The following SPATA17 variants were observed in gnomAD, a reference collection of about 807,000 sequenced individuals.
SPATA17 encodes spermatogenesis-associated protein 17.
A neutral mutation model predicts 62.2 loss-of-function variants in SPATA17; 53 were observed. The ratio of observed to expected loss-of-function variants is 0.85; its 90% CI spans 0.68 to 1.07. The LOEUF (loss-of-function observed/expected upper bound fraction) is 1.07, where lower values mean the gene tolerates loss of function less well. Among genes scored for constraint, SPATA17 ranks in the 50% least tolerant of loss-of-function variants. SPATA17 has a pLI of 0.00. For synonymous variants in SPATA17, 146 were observed against 146.8 expected (o/e 0.99, Z 0.04); for missense variants, 466 against 425.5 (o/e 1.10, Z -0.84).
At chr1:217,760,433 CT>C (rs1381592007) in intron 6 of SPATA17, among the ~76,000 whole-genome samples, 3 of 152,006 alleles carry the variant, frequency 2.0e-5, no homozygotes, top group Non-Finnish European at 1.5e-5. Context: ...CTAATAGATA[CT>C]TTAATAATTT....
intron 5 of SPATA17, among the ~76,000 whole-genome samples, chr1:217,704,189 C>T (rs974475348): frequency 1.5e-5 from 2 of 132,864 alleles, no homozygotes; most frequent in East Asian, 2.4e-4. Context: ...TAGCACCCAA[C>T]GGGTAGGTTT....
chr1:217,643,735 AT>A (rs35299208), intron 1 of SPATA17, among the ~76,000 whole-genome samples: 44,011 of 140,974 alleles, frequency 0.31, 6,956 homozygotes, highest in Non-Finnish European at 0.36. Context: ...TATATATATA[AT>A]TTTTTTTTTT....
chr1:217,864,857 ATTAT>A (rs1344700564), intron 10 of SPATA17, among the ~76,000 whole-genome samples: 3 of 152,152 alleles, frequency 2.0e-5, no homozygotes, highest in East Asian at 1.9e-4. Context: ...TACTTGCTAA[ATTAT>A]TTATACAGAA....
At chr1:217,831,831 T>C (rs2103002180) in intron 9 of SPATA17, among the ~76,000 whole-genome samples, 1 of 152,284 alleles carries the variant, frequency 6.6e-6, no homozygotes, top group Non-Finnish European at 1.5e-5. Flanking sequence ...TACCATATAC[T>C]TGTTTCCTTC....
intron 5 of SPATA17, among the ~76,000 whole-genome samples, chr1:217,733,627 T>G (rs1571766382): frequency 6.6e-6 from 1 of 152,366 alleles, no homozygotes; most frequent in Non-Finnish European, 1.5e-5. Context: ...TCTAAATATC[T>G]TAAACATATT....
intron 5 of SPATA17, among the ~76,000 whole-genome samples, chr1:217,684,976 G>T (rs539088029): frequency 2.6e-5 from 4 of 152,100 alleles, no homozygotes; most frequent in African/African-American, 9.7e-5. Context: ...GGATTTAGTC[G>T]ATTGGAGAAG....
rs1318187650 is a variant in SPATA17 at position 217,811,691 on chromosome 1, T to C, written c.1005+9841T>C. On this transcript the variant is annotated intron_variant, in intron 9 of 10. Coordinates refer to ENST00000366933, the MANE Select transcript of SPATA17 (RefSeq NM_138796.4). ...CTGGGCAACAGAGTGAGACTCCACC[T>C]CGAGAAAAAAAAAAAAAAACTATGT... 4.5e-5 allele frequency among the ~76,000 whole-genome samples: 5 copies of C among 110,410 alleles called. No individual in the cohort carries two copies. In the East Asian group the frequency reaches 6.6e-4, roughly 15 times the overall value. 72.4% of individuals were successfully genotyped at this position (110,410 alleles called of 152,430 possible).
At chr1:217,750,830 C>T (rs1672886928) in intron 6 of SPATA17, among the ~76,000 whole-genome samples, 1 of 152,164 alleles carries the variant, frequency 6.6e-6, no homozygotes, top group South Asian at 2.1e-4. Flanking sequence ...TCTCTCTTAA[C>T]CGATTAAAGA....
intron 6 of SPATA17, among the ~76,000 whole-genome samples, chr1:217,762,641 G>T (rs1402012263): frequency 1.3e-5 from 2 of 152,090 alleles, no homozygotes; most frequent in Non-Finnish European, 2.9e-5. Flanking sequence ...CAATAGTTAG[G>T]GTTCTCAGCC....
intron 5 of SPATA17, among the ~76,000 whole-genome samples, chr1:217,703,901 A>G (rs1671663596): frequency 6.6e-6 from 1 of 151,532 alleles, no homozygotes; most frequent in Admixed American, 6.6e-5. Flanking sequence ...TTAGTTTGTT[A>G]TTGTCTGCTG....
chr1:217,674,945 A>G (rs559796437), intron 4 of SPATA17, among the ~76,000 whole-genome samples: 136 of 152,298 alleles, frequency 8.9e-4, no homozygotes, highest in Non-Finnish European at 1.4e-3. Flanking sequence ...TGACTGGTTA[A>G]AAAACATTAT....
chr1:217,862,699 TA>T, intron 9 of SPATA17, 74 bp from the exon 10 acceptor site: 1 of 1,095,574 alleles, frequency 9.1e-7, no homozygotes, highest in Non-Finnish European at 1.3e-6. Flanking sequence ...CAATTTAATC[TA>T]AATAATAACA....
chr1:217,743,475 G>A (rs913223342), intron 6 of SPATA17, among the ~76,000 whole-genome samples: 1 of 151,878 alleles, frequency 6.6e-6, no homozygotes, highest in Non-Finnish European at 1.5e-5. Flanking sequence ...TTACAATACA[G>A]TTGTTAATTT....
chr1:217,711,516 G>A (rs979711408), intron 5 of SPATA17, among the ~76,000 whole-genome samples: 4 of 152,138 alleles, frequency 2.6e-5, no homozygotes, highest in Non-Finnish European at 5.9e-5. Flanking sequence ...CTAGCTATGT[G>A]ACCTTGAACT....
intron 5 of SPATA17, among the ~76,000 whole-genome samples, chr1:217,705,243 T>C (rs940270723): frequency 2.6e-5 from 4 of 152,060 alleles, no homozygotes; most frequent in Middle Eastern, 3.4e-3. Flanking sequence ...CCACTTTTCA[T>C]TGGGATTGTT....
chr1:217,775,398 A>G (rs1210475045), intron 7 of SPATA17, among the ~76,000 whole-genome samples: 2 of 152,054 alleles, frequency 1.3e-5, no homozygotes, highest in East Asian at 1.9e-4. Flanking sequence ...ACTCTGTTAC[A>G]GTGTCTTGCT....
At chr1:217,663,222 A>G (rs377096932) in intron 3 of SPATA17, among the ~76,000 whole-genome samples, 8 of 152,254 alleles carry the variant, frequency 5.3e-5, no homozygotes, top group East Asian at 3.9e-4. Context: ...GCGCAGGCAG[A>G]TCACCTGAGG....
Position 217,648,892 on chromosome 1 carries a change from C to T in SPATA17, c.79C>T (p.Pro27Ser). Residue 27 changes from proline to serine, a missense_variant, in exon 2 of 11, where the codon CCA becomes TCA. Physicochemically the swap from Pro to Ser is moderately conservative, Grantham distance 74 (BLOSUM62 -1). Coordinates refer to ENST00000366933, the MANE Select transcript of SPATA17 (RefSeq NM_138796.4). ...QYYFRNSVVDPFRKKENDAAV... is the reference protein window; with the variant it reads ...QYYFRNSVVDSFRKKENDAAV... ...AACATTTTGTTTTAGTGTTGTAGAT[C>T]CATTTAGAAAAAAGGAGAATGATGC... 1 of 1,604,488 alleles carries T rather than the reference C, an allele frequency of 6.2e-7. No individual in the cohort carries two copies.
chr1:217,703,612 T>C (rs894643491), intron 5 of SPATA17, among the ~76,000 whole-genome samples: 1 of 152,234 alleles, frequency 6.6e-6, no homozygotes, highest in Non-Finnish European at 1.5e-5. Flanking sequence ...TCACAATGTA[T>C]CTAAGAATTT....
Sources: allele counts gnomAD v4.1 joint callset (sites outside exome capture counted in the v4.1 genomes callset), GRCh38; gene constraint gnomAD v4.1.1; transcripts MANE v1.5; gene names NCBI Gene and HGNC (gene_info 2026-07-23, HGNC 2026-07-21).